The following SCARB1 variants were observed in gnomAD, a reference collection of about 807,000 sequenced individuals.
SCARB1 encodes the protein scavenger receptor class B member 1, also known as CD36 and LIMPII analogous 1.
In SCARB1, 30 loss-of-function variants were observed where a neutral mutation model predicts 57.2. That is an observed-to-expected ratio of 0.52 (90% CI 0.39 to 0.71). The LOEUF (loss-of-function observed/expected upper bound fraction) is 0.71. Among genes scored for constraint, SCARB1 ranks in the 30% least tolerant of loss-of-function variants. SCARB1 has a pLI of 0.00. For synonymous variants in SCARB1, 249 were observed against 268.3 expected, an observed-to-expected ratio of 0.93 and a Z score of 0.70; for missense variants, 543 against 671.2, an observed-to-expected ratio of 0.81 and a Z score of 2.11.
intron 1 of SCARB1, among the ~76,000 whole-genome samples, chr12:124,854,412 C>A (rs758821092): frequency 6.6e-6 from 1 of 152,156 alleles, no homozygotes; most frequent in African/African-American, 2.4e-5. Context: ...GGCTGTGACT[C>A]CTAGGGGACG....
chr12:124,828,266 G>C (rs1729053268), intron 1 of SCARB1, among the ~76,000 whole-genome samples: 1 of 151,944 alleles, frequency 6.6e-6, no homozygotes, highest in Admixed American at 6.6e-5. Flanking sequence ...ACTCTCCCCT[G>C]CACCTGGAGA....
chr12:124,853,950 A>G (rs1434187112), intron 1 of SCARB1, among the ~76,000 whole-genome samples: 1 of 152,140 alleles, frequency 6.6e-6, no homozygotes, highest in Non-Finnish European at 1.5e-5. Flanking sequence ...CTTTCAATAA[A>G]TATTTGAGAA....
intron 9 of SCARB1, among the ~76,000 whole-genome samples, chr12:124,794,140 G>C (rs1949839793): frequency 6.6e-6 from 1 of 152,220 alleles, no homozygotes; most frequent in Non-Finnish European, 1.5e-5. Context: ...CTGGGGCTGA[G>C]GGGACAGGGA....
chr12:124,838,807 G>A (rs545378556), intron 1 of SCARB1, among the ~76,000 whole-genome samples: 18 of 121,958 alleles, frequency 1.5e-4, no homozygotes, highest in African/African-American at 3.0e-4. Context: ...ATGGAGTCTC[G>A]GTCTGTCACC....
chr12:124,820,396 G>A (rs757691658), intron 1 of SCARB1, among the ~76,000 whole-genome samples: 25 of 152,104 alleles, frequency 1.6e-4, no homozygotes, highest in Non-Finnish European at 2.6e-4. Flanking sequence ...GTCTTCCTGG[G>A]GGAGGTGGTA....
At chr12:124,844,529 G>T (rs1000113702) in intron 1 of SCARB1, among the ~76,000 whole-genome samples, 1 of 152,158 alleles carries the variant, frequency 6.6e-6, no homozygotes, top group African/African-American at 2.4e-5. Context: ...GTATTGGCGC[G>T]GGGGGCAGGG....
At chr12:124,843,713 T>C (rs1007596483) in intron 1 of SCARB1, among the ~76,000 whole-genome samples, 3 of 152,064 alleles carry the variant, frequency 2.0e-5, no homozygotes, top group Non-Finnish European at 2.9e-5. Flanking sequence ...GGGCCCTACA[T>C]CCAAGCTGGA....
At chr12:124,811,818 G>T in intron 5 of SCARB1, 52 bp downstream of exon 5, 1 of 1,338,604 alleles carries the variant, frequency 7.5e-7, no homozygotes, top group Non-Finnish European at 1.1e-6. Context: ...CCATGGCCGG[G>T]CCCACCCTCC....
At chr12:124,857,211 G>C (rs985345437) in intron 1 of SCARB1, among the ~76,000 whole-genome samples, 1 of 152,062 alleles carries the variant, frequency 6.6e-6, no homozygotes, top group East Asian at 1.9e-4. Context: ...ATGTGACATG[G>C]GGCAAGTTAC....
At chr12:124,851,249 T>G (rs1952389239) in intron 1 of SCARB1, among the ~76,000 whole-genome samples, 2 of 152,136 alleles carry the variant, frequency 1.3e-5, no homozygotes, top group South Asian at 4.1e-4. Flanking sequence ...TTTCTAAGCG[T>G]CAGAGGAAGC....
At chr12:124,839,168 C>G in intron 1 of SCARB1, 1 of 441,682 alleles carries the variant, frequency 2.3e-6, no homozygotes, top group Non-Finnish European at 4.5e-6. Flanking sequence ...AGAACTCTTT[C>G]ATCTTGCAAA....
At chr12:124,805,085 A>G (rs935346761) in intron 7 of SCARB1, among the ~76,000 whole-genome samples, 4 of 152,194 alleles carry the variant, frequency 2.6e-5, no homozygotes, top group African/African-American at 9.7e-5. Context: ...TCCACAGTCC[A>G]TGAGTTCAGG....
Position 124,861,688 on chromosome 12 carries a change from T to C in SCARB1, c.126+1907A>G, listed in dbSNP as rs936896541. Among the ~76,000 whole-genome samples the C allele has an allele frequency of 2.0e-5, 3 of 152,220 alleles. No individual in the cohort carries two copies. The East Asian group carries it at 5.8e-4, about 29-fold the overall frequency. Reference sequence around the variant, plus strand: ...GTGGCCGTCTTGGGCTGGGCGTGTCTTCCTGCCTTCACACCACTCGGCCCC... The same window carrying C: ...GTGGCCGTCTTGGGCTGGGCGTGTCCTCCTGCCTTCACACCACTCGGCCCC... On this transcript the variant is annotated intron_variant, in intron 1 of 12. Transcript: ENST00000261693.
chr12:124,779,744 C>A (rs1873078464), intron 12 of SCARB1, among the ~76,000 whole-genome samples: 1 of 152,082 alleles, frequency 6.6e-6, no homozygotes, highest in Non-Finnish European at 1.5e-5. Flanking sequence ...GCCTCCCTGC[C>A]CCGGTGGCTG....
rs1166079729 is a variant in SCARB1 at position 124,810,836 on chromosome 12, A to G, written c.727-547T>C. ...AAAATCACGTGCACATGTACAGTATATTGGAATATACAAGCCACAATGAAT... is the reference window on the plus strand; with the variant it reads ...AAAATCACGTGCACATGTACAGTATGTTGGAATATACAAGCCACAATGAAT... On this transcript the variant is annotated intron_variant, in intron 5 of 12. Transcript: ENST00000261693. The surrounding 1 kb of genome is among the most constrained non-coding windows in gnomAD (Gnocchi z 4.0). Among the ~76,000 whole-genome samples, 1 of 152,216 alleles carries G rather than the reference A, an allele frequency of 6.6e-6. No homozygotes were observed. The highest frequency in any genetic ancestry group is 2.4e-5 in the African/African-American group (1 of 41,452).
chr12:124,798,995 C>G (rs1241374137), intron 8 of SCARB1, among the ~76,000 whole-genome samples: 4 of 152,074 alleles, frequency 2.6e-5, no homozygotes, highest in Non-Finnish European at 5.9e-5. Flanking sequence ...AATAGAGCAA[C>G]AGTCACTGTA....
chr12:124,797,818 C>T (rs1594221912), intron 8 of SCARB1, among the ~76,000 whole-genome samples: 1 of 152,276 alleles, frequency 6.6e-6, no homozygotes, highest in East Asian at 1.9e-4. Context: ...CCTGGGAGGA[C>T]AAAGAAAAAT....
rs543156672 is a variant in SCARB1, at chr12:124,826,669, A to G, written c.127-8962T>C. Among the ~76,000 whole-genome samples, 4 of 152,118 alleles carry G rather than the reference A, an allele frequency of 2.6e-5. No homozygotes were observed. In the South Asian group the frequency reaches 8.3e-4, roughly 32 times the overall value. On this transcript the variant is annotated intron_variant, in intron 1 of 12. Coordinates refer to ENST00000261693, the MANE Select transcript of SCARB1 (RefSeq NM_005505.5). ...GAGACAAGGTCTCACTATGTTGCCC[A>G]GGCTGGTCTTGAACTCCTGAGCTCA...
intron 1 of SCARB1, among the ~76,000 whole-genome samples, chr12:124,827,631 G>A (rs1951214485): frequency 6.6e-6 from 1 of 152,106 alleles, no homozygotes; most frequent in Non-Finnish European, 1.5e-5. Context: ...ACTCAGCCCA[G>A]CCCCACAGCC....
Sources: gnomAD v4.1 joint callset for allele counts (sites outside exome capture counted in the v4.1 genomes callset) on GRCh38, gnomAD v4.1.1 for gene constraint, Gnocchi (gnomAD v3.1) non-coding constraint, MANE v1.5 for transcripts, NCBI Gene and HGNC (gene_info 2026-07-23, HGNC 2026-07-21) for gene names.